The following SDAD1 variants were observed in gnomAD, a reference collection of about 807,000 sequenced individuals.
The protein encoded by SDAD1 is SDA1 domain containing 1.
In SDAD1, 79 loss-of-function variants were observed where a neutral mutation model predicts 100.3. The ratio of observed to expected loss-of-function variants is 0.79; its 90% CI spans 0.66 to 0.95. SDAD1 has a LOEUF of 0.95. Among genes scored for constraint, SDAD1 ranks in the 40% least tolerant of loss-of-function variants. SDAD1 has a pLI of 0.00. For synonymous variants in SDAD1, 267 were observed against 271.4 expected (o/e 0.98, Z 0.16); for missense variants, 790 against 810.9 (o/e 0.97, Z 0.31).
Position 75,974,138 on chromosome 4 carries a change from G to T in SDAD1, c.579-5C>A. The T allele has an allele frequency of 6.2e-7, 1 of 1,612,814 alleles. No individual in the cohort carries two copies. The highest frequency in any genetic ancestry group is 1.1e-5 in the South Asian group (1 of 91,036). ...TTGACAGTTTTTGCATCATTCCTGG[G>T]GGAAGACAATGAATGCTTTGAAGTA... On this transcript the variant is annotated splice_region_variant and splice_polypyrimidine_tract_variant and intron_variant, in intron 6 of 21. Coordinates refer to ENST00000356260, the MANE Select transcript of SDAD1 (RefSeq NM_018115.4).
Position 75,960,193 on chromosome 4 carries a change from C to A in SDAD1, c.1357-1G>T, listed in dbSNP as rs1427492731. ...CTATGGAGGCCTCTGTAGGCTTACC[C>A]TAAAGGAAAAGAAATTGTTTGTAAT... On this transcript the variant is annotated splice_acceptor_variant, in intron 16 of 21. Transcript: ENST00000356260. LOFTEE classifies it high-confidence loss of function. The A allele has an allele frequency of 6.4e-7, 1 of 1,564,060 alleles. No individual in the cohort carries two copies. The highest frequency in any genetic ancestry group is 8.6e-7 in the Non-Finnish European group (1 of 1,162,146).
chr4:75,957,388 C>T lies in SDAD1; in HGVS notation c.1791G>A (p.Arg597=), dbSNP rs1728958988. 2 of 1,614,014 alleles carry T rather than the reference C, an allele frequency of 1.2e-6. No homozygotes were observed. The highest frequency in any genetic ancestry group is 2.7e-5 in the African/African-American group (2 of 74,992). The change falls in exon 20 of 22, where the codon CGG becomes CGA. Residue 597 remains arginine (R), a synonymous_variant. Coordinates refer to ENST00000356260, the MANE Select transcript of SDAD1 (RefSeq NM_018115.4). ...EEPRGELLSL[R]DIERLHKKPK... Reference sequence around the variant, plus strand: ...GCTTTTTATGAAGGCGTTCAATGTCCCGAAGAGAAAGTAATTCACCCCTGG... The same window carrying T: ...GCTTTTTATGAAGGCGTTCAATGTCTCGAAGAGAAAGTAATTCACCCCTGG...
chr4:75,984,778 A>ACACACAC (rs1730779567), intron 1 of SDAD1, among the ~76,000 whole-genome samples: 42 of 137,026 alleles, frequency 3.1e-4, no homozygotes, highest in African/African-American at 9.5e-4. Flanking sequence ...CACACACACA[A>ACACACAC]ACACACACAC....
chr4:75,986,674 T>C (rs1730913069), intron 1 of SDAD1, among the ~76,000 whole-genome samples: 1 of 152,152 alleles, frequency 6.6e-6, no homozygotes, highest in South Asian at 2.1e-4. Context: ...CCCATCAGTA[T>C]ATAGACATGC....
rs1471064918 is a variant in SDAD1 at position 75,981,963 on chromosome 4, T to C, written c.165A>G (p.Glu55=). Residue 55 remains glutamate (E), a synonymous_variant, in exon 2 of 22, where the codon GAA becomes GAG. Transcript: ENST00000356260. ...FKLQPNKPSK[E]LAELVMFMAQ... ...CCATAAACATCACCAGCTCTGCTAG[T>C]TCTTTGCTGGGTTTATTTGGTTGCA... 1 of 1,611,366 alleles carries C rather than the reference T, an allele frequency of 6.2e-7. No homozygotes were observed. Among genetic ancestry groups the C allele is most frequent in the South Asian group, 1.1e-5 (1 of 90,882 alleles).
chr4:75,989,790 G>C (rs1731126626), intron 1 of SDAD1, among the ~76,000 whole-genome samples: 1 of 152,178 alleles, frequency 6.6e-6, no homozygotes, highest in Non-Finnish European at 1.5e-5. Context: ...TCCTTGGAGA[G>C]GCTTTCTCTA....
chr4:75,984,684 C>G (rs977774120), intron 1 of SDAD1, among the ~76,000 whole-genome samples: 3 of 151,860 alleles, frequency 2.0e-5, no homozygotes, highest in African/African-American at 7.3e-5. Context: ...ATTCACCAGG[C>G]CTCAATTCCA....
chr4:75,963,250 T>G (rs531459041), intron 14 of SDAD1, among the ~76,000 whole-genome samples: 4 of 130,288 alleles, frequency 3.1e-5, no homozygotes, highest in Non-Finnish European at 6.5e-5. Flanking sequence ...CATTGGTCTC[T>G]ATCTCTGTTT....
In SDAD1 at chr4:75,990,795, A is replaced by T. The variant is rs1485658377; in HGVS notation, c.47T>A (p.Leu16Ter). The T allele has an allele frequency of 6.2e-7, 1 of 1,614,058 alleles. No individual in the cohort carries two copies. Among genetic ancestry groups the T allele is most frequent in the Non-Finnish European group, 8.5e-7 (1 of 1,180,010 alleles). Residue 16 changes from leucine (L) to a stop codon, truncating the protein, a stop_gained, in exon 1 of 22, where the codon TTA becomes TAA. Transcript: ENST00000356260. LOFTEE classifies it high-confidence loss of function. ...CGGGTCTCGCTTGATTAGATTCTGTAACTGCGGCAGGTTGCTGGGAAGCTT... is the reference window on the plus strand; with the variant it reads ...CGGGTCTCGCTTGATTAGATTCTGTTACTGCGGCAGGTTGCTGGGAAGCTT... ...NNKLPSNLPQ[L>*]QNLIKRDPPA...
intron 11 of SDAD1, 107 bp from the exon 12 acceptor site, chr4:75,967,441 TG>T (rs1560543893): frequency 4.0e-6 from 4 of 1,000,698 alleles, no homozygotes; most frequent in Non-Finnish European, 6.1e-6. Flanking sequence ...AGAACACTTT[TG>T]TTTTTTTCTC....
chr4:75,968,145 G>A (rs906398820), intron 11 of SDAD1, among the ~76,000 whole-genome samples: 10 of 152,060 alleles, frequency 6.6e-5, no homozygotes, highest in Admixed American at 5.9e-4. Flanking sequence ...CTCAAACCAC[G>A]CTTAAATCAC....
chr4:75,960,257 G>A, intron 16 of SDAD1, 65 bp from the exon 17 acceptor site: 1 of 1,329,750 alleles, frequency 7.5e-7, no homozygotes, highest in African/African-American at 1.5e-5. Context: ...ATGAAAGGTA[G>A]TCTCTGAAAT....
chr4:75,950,866 A>C (rs1357850578), intron 21 of SDAD1, 69 bp from the exon 22 acceptor site: 1 of 1,036,274 alleles, frequency 9.6e-7, no homozygotes, highest in Non-Finnish European at 1.4e-6. Flanking sequence ...TGGTTACATG[A>C]AAGTTTACTA....
intron 8 of SDAD1, 124 bp from the exon 9 acceptor site, chr4:75,971,582 ACTTTT>A: frequency 2.8e-6 from 2 of 718,954 alleles, no homozygotes; most frequent in Non-Finnish European, 2.3e-6. Context: ...AATGAATACT[ACTTTT>A]AGACTGGGCG....
chr4:75,959,613 A>G (rs571723848), intron 17 of SDAD1, among the ~76,000 whole-genome samples: 3 of 152,152 alleles, frequency 2.0e-5, no homozygotes, highest in Non-Finnish European at 2.9e-5. Flanking sequence ...AGGAAAAAAA[A>G]AAAAGATTTG....
At chr4:75,966,856 G>A (rs576760735) in intron 12 of SDAD1, among the ~76,000 whole-genome samples, 5 of 152,050 alleles carry the variant, frequency 3.3e-5, no homozygotes, top group East Asian at 1.9e-4. Context: ...AGCAACCTTC[G>A]CCTCCTGGGT....
Position 75,990,889 on chromosome 4 carries a change from A to ACGGCCGGCACCCCGCAATCC in SDAD1, c.-68_-49dup. The ACGGCCGGCACCCCGCAATCC allele has an allele frequency of 6.2e-7, 1 of 1,611,422 alleles. No individual in the cohort carries two copies. Among genetic ancestry groups the ACGGCCGGCACCCCGCAATCC allele is most frequent in the Non-Finnish European group, 8.5e-7 (1 of 1,178,510 alleles). ...GGCGAGCAGTTTTAAAAAAACTCAG[A>ACGGCCGGCACCCCGCAATCC]CGGCCGGCACCCCGCAATCCCTGCC... On this transcript the variant is annotated 5_prime_UTR_variant, in exon 1 of 22. Coordinates refer to ENST00000356260, the MANE Select transcript of SDAD1 (RefSeq NM_018115.4).
At chr4:75,987,549 T>A (rs1417908983) in intron 1 of SDAD1, among the ~76,000 whole-genome samples, 72 of 152,302 alleles carry the variant, frequency 4.7e-4, no homozygotes, top group Admixed American at 2.9e-3. Context: ...TTGCCCAGGC[T>A]AGGGTGCAGT....
intron 21 of SDAD1, among the ~76,000 whole-genome samples, chr4:75,951,339 C>A (rs909329829): frequency 1.3e-5 from 2 of 152,070 alleles, no homozygotes; most frequent in African/African-American, 4.8e-5. Flanking sequence ...AAAAGTGATA[C>A]CTTACTAAGA....
Sources: gnomAD v4.1 joint callset for allele counts (sites outside exome capture counted in the v4.1 genomes callset) on GRCh38, gnomAD v4.1.1 for gene constraint, MANE v1.5 for transcripts, NCBI Gene and HGNC (gene_info 2026-07-23, HGNC 2026-07-21) for gene names.